KMT2E: variants seen among roughly 807,000 people sequenced by gnomAD.
KMT2E encodes lysine methyltransferase 2E (inactive), also known as histone reader KMT2E.
A neutral mutation model predicts 184.6 loss-of-function variants in KMT2E; 30 were observed. That is an observed-to-expected ratio of 0.16 (90% CI 0.12 to 0.22). KMT2E has a LOEUF of 0.22. Ranked by LOEUF, KMT2E falls within the 10% of genes least tolerant of loss-of-function variation. The pLI, the probability that KMT2E is intolerant of heterozygous loss-of-function variation, is 1.00. For synonymous variants in KMT2E, 815 were observed against 776.5 expected, an observed-to-expected ratio of 1.05 and a Z score of -0.82; for missense variants, 2,023 against 2,237.4, an observed-to-expected ratio of 0.90 and a Z score of 1.93.
intron 13 of KMT2E, 73 bp from the exon 14 acceptor site, chr7:105,089,936 C>T (rs1798132556): frequency 1.9e-6 from 3 of 1,561,932 alleles, no homozygotes; most frequent in Non-Finnish European, 2.6e-6. Context: ...GGAGTTGCAG[C>T]TTAAAATGGA....
intron 5 of KMT2E, among the ~76,000 whole-genome samples, chr7:105,064,694 A>G (rs998022722): frequency 3.9e-5 from 6 of 152,166 alleles, no homozygotes; most frequent in African/African-American, 1.2e-4. Context: ...AAATGTAAAA[A>G]TAAACTTTCA....
At chr7:105,055,760 T>G (rs1286591714) in intron 3 of KMT2E, among the ~76,000 whole-genome samples, 1 of 152,220 alleles carries the variant, frequency 6.6e-6, no homozygotes, top group Non-Finnish European at 1.5e-5. Flanking sequence ...CTTTGCCTTC[T>G]CTATTTCATG....
At chr7:105,071,902 A>G (rs934483761) in intron 6 of KMT2E, among the ~76,000 whole-genome samples, 1 of 151,998 alleles carries the variant, frequency 6.6e-6, no homozygotes, top group Admixed American at 6.6e-5. Flanking sequence ...CATTTCTCTT[A>G]CTTTGAGTGA....
At chr7:105,030,246 G>A (rs375230116) in intron 1 of KMT2E, among the ~76,000 whole-genome samples, 5 of 152,196 alleles carry the variant, frequency 3.3e-5, no homozygotes, top group Non-Finnish European at 1.5e-5. Context: ...TTATTTACAG[G>A]TGAGGAAACA....
intron 6 of KMT2E, among the ~76,000 whole-genome samples, chr7:105,072,776 G>T (rs991145997): frequency 6.6e-6 from 1 of 152,106 alleles, no homozygotes; most frequent in Non-Finnish European, 1.5e-5. Context: ...TTAGCCAGGT[G>T]TGGTAGCACA....
chr7:105,082,112 G>C (rs1797780953), intron 13 of KMT2E, among the ~76,000 whole-genome samples: 1 of 152,078 alleles, frequency 6.6e-6, no homozygotes, highest in Non-Finnish European at 1.5e-5. Flanking sequence ...TATAATTTTA[G>C]TCATACAGTT....
chr7:105,068,802 C>G (rs1463312499), intron 6 of KMT2E, among the ~76,000 whole-genome samples: 3 of 151,960 alleles, frequency 2.0e-5, no homozygotes, highest in Non-Finnish European at 4.4e-5. Flanking sequence ...ATTCGGTTCT[C>G]TTAAGATATA....
chr7:105,064,837 A>G (rs879810152), intron 5 of KMT2E, among the ~76,000 whole-genome samples: 1 of 152,214 alleles, frequency 6.6e-6, no homozygotes, highest in Non-Finnish European at 1.5e-5. Flanking sequence ...GTAGCCAGTC[A>G]TATAGAAAAG....
At chr7:105,038,922 C>G (rs1795772679) in intron 2 of KMT2E, among the ~76,000 whole-genome samples, 1 of 152,094 alleles carries the variant, frequency 6.6e-6, no homozygotes, top group Admixed American at 6.5e-5. Flanking sequence ...TTACTGAGAT[C>G]TGCTTTTCCT....
chr7:105,036,237 A>G (rs1192508671), intron 1 of KMT2E, among the ~76,000 whole-genome samples: 4 of 150,510 alleles, frequency 2.7e-5, no homozygotes, highest in African/African-American at 9.8e-5. Context: ...CAGTGGAGCA[A>G]TCTTGGCTCA....
At position 105,107,724 on chromosome 7, in the gene KMT2E, C is replaced by T. The variant is rs1316144924; in HGVS notation, c.3267C>T (p.Pro1089=). ...SVNSNLRDLT[P]SHQLEVGGGF... ...ACTCCAACTTGAGGGACCTGACACC[C>T]TCGCATCAGTTGGAGGTTGGAGGAG... Residue 1089 remains proline, a synonymous_variant, in exon 22 of 27, where the codon CCC becomes CCT. Coordinates refer to ENST00000311117, the MANE Select transcript of KMT2E (RefSeq NM_182931.3). 2 of 1,614,004 alleles carry T rather than the reference C, an allele frequency of 1.2e-6. No individual in the cohort carries two copies. Among genetic ancestry groups the T allele is most frequent in the Non-Finnish European group, 1.7e-6 (2 of 1,180,034 alleles).
chr7:105,080,127 A>G lies in KMT2E; in HGVS notation c.1248+1164A>G, dbSNP rs374375390. ...CTCCCTAAATGCTAGGATTACAGGC[A>G]TGAGCCACCAGGTCCAGCCTAATAC... On this transcript the variant is annotated intron_variant, in intron 12 of 26. Transcript: ENST00000311117. Among the ~76,000 whole-genome samples, 22 of 152,274 alleles carry G rather than the reference A, an allele frequency of 1.4e-4. No homozygotes were observed. The East Asian group carries it at 3.9e-3, about 27-fold the overall frequency.
intron 17 of KMT2E, chr7:105,103,007 A>G (rs2129569581): frequency 6.6e-6 from 1 of 152,352 alleles, no homozygotes; most frequent in African/African-American, 2.4e-5. Context: ...CGCAGGTTTC[A>G]TTAGAGACAA....
intron 1 of KMT2E, among the ~76,000 whole-genome samples, chr7:105,014,809 G>A (rs975395649): frequency 6.6e-6 from 1 of 152,110 alleles, no homozygotes; most frequent in African/African-American, 2.4e-5. Context: ...AGTTAGGGAG[G>A]GGGCGCACTC....
intron 2 of KMT2E, among the ~76,000 whole-genome samples, chr7:105,040,610 G>A (rs866133562): frequency 6.6e-5 from 10 of 152,212 alleles, no homozygotes; most frequent in Non-Finnish European, 1.0e-4. Context: ...TAAATATGCC[G>A]TAGTAATCTT....
intron 3 of KMT2E, among the ~76,000 whole-genome samples, chr7:105,057,237 A>G (rs1039026953): frequency 5.3e-5 from 8 of 152,214 alleles, no homozygotes; most frequent in Admixed American, 2.0e-4. Flanking sequence ...ATAGACTACT[A>G]TTCTTGCTGG....
intron 13 of KMT2E, among the ~76,000 whole-genome samples, chr7:105,085,250 C>G (rs1056780722): frequency 2.0e-5 from 3 of 152,086 alleles, no homozygotes; most frequent in Admixed American, 1.3e-4. Context: ...AAAATGTAAA[C>G]AATAATACAA....
intron 15 of KMT2E, among the ~76,000 whole-genome samples, chr7:105,093,345 G>A (rs888300774): frequency 2.6e-5 from 4 of 152,156 alleles, no homozygotes; most frequent in African/African-American, 4.8e-5. Flanking sequence ...TGCTGACAAT[G>A]TTAGTGGATC....
intron 11 of KMT2E, 43 bp downstream of exon 11, chr7:105,077,476 T>C (rs1286477568): frequency 6.6e-7 from 1 of 1,520,706 alleles, no homozygotes. Context: ...TGTAGGTAAA[T>C]ATTGAACTTT....
Sources: allele counts gnomAD v4.1 joint callset (sites outside exome capture counted in the v4.1 genomes callset), GRCh38; gene constraint gnomAD v4.1.1; transcripts MANE v1.5; gene names NCBI Gene and HGNC (gene_info 2026-07-23, HGNC 2026-07-21).